The following IGF2BP1 variants were observed in gnomAD, a reference collection of about 807,000 sequenced individuals.
IGF2BP1 encodes the protein insulin-like growth factor 2 mRNA-binding protein 1.
A neutral mutation model predicts 74.9 loss-of-function variants in IGF2BP1; 11 were observed. The observed-to-expected ratio is 0.15, with a 90% CI of 0.09 to 0.24. The LOEUF (loss-of-function observed/expected upper bound fraction) is 0.24. IGF2BP1 is among the 10% of genes least tolerant of loss of function. The pLI is 1.00. For missense variants in IGF2BP1, 440 were observed against 757.4 expected (o/e 0.58, Z 4.92); for synonymous variants, 287 against 281.8 (o/e 1.02, Z -0.18).
At chr17:49,041,537 G>T (rs1419360641) in intron 8 of IGF2BP1, 37 bp downstream of exon 8, 2 of 1,612,720 alleles carry the variant, frequency 1.2e-6, no homozygotes, top group Admixed American at 3.3e-5. Context: ...TATGAGTGGG[G>T]GATGCATGGG....
chr17:49,033,212 A>G (rs1324075402), intron 5 of IGF2BP1, among the ~76,000 whole-genome samples: 1 of 151,494 alleles, frequency 6.6e-6, no homozygotes, highest in Non-Finnish European at 1.5e-5. Flanking sequence ...GCAGTGGTGC[A>G]ATCTTGGCTC....
chr17:49,006,351 G>A (rs2041551425), intron 2 of IGF2BP1, among the ~76,000 whole-genome samples: 1 of 152,180 alleles, frequency 6.6e-6, no homozygotes, highest in African/African-American at 2.4e-5. Context: ...CCTACCCTAG[G>A]TCTCTCACTC....
chr17:48,999,217 G>A (rs1027638453), intron 2 of IGF2BP1, 48 bp downstream of exon 2: 3 of 1,037,050 alleles, frequency 2.9e-6, no homozygotes, highest in African/African-American at 1.6e-5. Context: ...GCGGGGGTGT[G>A]CTGTGAAGCT....
At position 49,054,567 on chromosome 17, in the gene IGF2BP1, C is replaced by T. The variant is rs965752617; in HGVS notation, c.*5123C>T. On this transcript the variant is annotated 3_prime_UTR_variant, in exon 15 of 15. Transcript: ENST00000290341. The stretch of plus-strand genomic sequence containing the variant: ...AGGTCCCCACTTTCTGCTTTCCTTG[C>T]CCATGTGTCACCCCTTTGGCCTCCA... 1 of 152,412 alleles carries T rather than the reference C, an allele frequency of 6.6e-6. No individual in the cohort carries two copies. Among genetic ancestry groups the T allele is most frequent in the Non-Finnish European group, 1.5e-5 (1 of 68,182 alleles). 9.4% of individuals were successfully genotyped at this position (152,412 alleles called of 1,614,324 possible).
In IGF2BP1 at chr17:49,052,342, A is replaced by G. The variant is rs1360675939; in HGVS notation, c.*2898A>G. On this transcript the variant is annotated 3_prime_UTR_variant, in exon 15 of 15. Transcript: ENST00000290341. Reference sequence around the variant, plus strand: ...AAGCATGCTTTGATATCTGGTTCAGACTATCATCAGGAAGAAAAAAAAATC... The same window carrying G: ...AAGCATGCTTTGATATCTGGTTCAGGCTATCATCAGGAAGAAAAAAAAATC... The G allele has an allele frequency of 1.3e-5, 2 of 152,134 alleles. No homozygotes were observed. Among genetic ancestry groups the G allele is most frequent in the African/African-American group, 2.4e-5 (1 of 41,406 alleles). 9.4% of individuals were successfully genotyped at this position (152,134 alleles called of 1,614,324 possible).
chr17:49,010,410 G>A (rs1456964992), intron 2 of IGF2BP1, among the ~76,000 whole-genome samples: 3 of 145,522 alleles, frequency 2.1e-5, no homozygotes, highest in East Asian at 2.1e-4. Flanking sequence ...TCCGCCTCCC[G>A]GGTTCACGTC....
chr17:49,026,150 G>A (rs1168371830), intron 3 of IGF2BP1, among the ~76,000 whole-genome samples: 1 of 152,092 alleles, frequency 6.6e-6, no homozygotes, highest in African/African-American at 2.4e-5. Flanking sequence ...TGTCCCTATG[G>A]TGAGAGACAT....
intron 2 of IGF2BP1, among the ~76,000 whole-genome samples, chr17:49,001,190 T>G (rs2143914654): frequency 6.6e-6 from 1 of 152,322 alleles, no homozygotes; most frequent in South Asian, 2.1e-4. Context: ...GGAAGTATGT[T>G]GTGGTATGTG....
intron 3 of IGF2BP1, 187 bp from the exon 4 acceptor site, chr17:49,026,279 C>G (rs1459273045): frequency 1.9e-6 from 1 of 532,120 alleles, no homozygotes; most frequent in East Asian, 3.1e-5. Context: ...AACTTAAGTA[C>G]ACTCCTGCAA....
At chr17:48,997,040 C>A (rs1271635911), upstream of IGF2BP1, among the ~76,000 whole-genome samples, 3 of 151,704 alleles carry the variant, frequency 2.0e-5, no homozygotes, top group Non-Finnish European at 4.4e-5. The surrounding 1 kb of genome is among the most constrained non-coding windows in gnomAD (Gnocchi z 4.8). Flanking sequence ...CCCCGCCCCC[C>A]AAAACGAATG....
intron 7 of IGF2BP1, among the ~76,000 whole-genome samples, chr17:49,040,666 C>G (rs1007373192): frequency 2.0e-5 from 3 of 152,244 alleles, no homozygotes; most frequent in Non-Finnish European, 2.9e-5. Flanking sequence ...CAGAGAGAAT[C>G]ACACTGAACA....
At chr17:49,034,072 C>T (rs1420843240) in intron 5 of IGF2BP1, among the ~76,000 whole-genome samples, 1 of 2,998 alleles carries the variant, frequency 3.3e-4, no homozygotes, top group Non-Finnish European at 2.8e-3. Context: ...GATCTTCCTA[C>T]CTCAGCCCCC....
chr17:49,037,200 G>C, intron 5 of IGF2BP1: 1 of 484,314 alleles, frequency 2.1e-6, no homozygotes. Context: ...AAAGGCCAGA[G>C]AGAGGTGTTC....
At chr17:48,997,036 C>T (rs1223288629), upstream of IGF2BP1, among the ~76,000 whole-genome samples, 2 of 152,148 alleles carry the variant, frequency 1.3e-5, no homozygotes, top group Admixed American at 1.3e-4. This position sits in a 1 kb window ranked among gnomAD's most constrained non-coding sequence, Gnocchi z 4.8. Flanking sequence ...GCAACCCCGC[C>T]CCCCAAAACG....
chr17:49,001,096 T>G (rs1170103748), intron 2 of IGF2BP1, among the ~76,000 whole-genome samples: 1 of 152,182 alleles, frequency 6.6e-6, no homozygotes, highest in Non-Finnish European at 1.5e-5. Flanking sequence ...TTTTCTAGAA[T>G]GAATCAATTT....
chr17:49,026,727 T>G lies in IGF2BP1; in HGVS notation c.337+210T>G, dbSNP rs879249704. Among the ~76,000 whole-genome samples the G allele has an allele frequency of 1.4e-4, 20 of 145,230 alleles. No homozygotes were observed. In the East Asian group the frequency reaches 1.4e-3, roughly 10 times the overall value. ...TGCCTTCCTGCCTTCCTGCCTGCCT[T>G]CCTGCCTTCCTGCCTGCCTTCCTGC... On this transcript the variant is annotated intron_variant, in intron 4 of 14. Transcript: ENST00000290341.
intron 2 of IGF2BP1, among the ~76,000 whole-genome samples, chr17:49,015,925 G>A (rs1024125539): frequency 3.9e-5 from 6 of 152,180 alleles, no homozygotes; most frequent in African/African-American, 1.4e-4. Flanking sequence ...AGAGCAAGAT[G>A]ACATTTTGCA....
At chr17:49,022,987 T>C (rs12951046) in intron 2 of IGF2BP1, among the ~76,000 whole-genome samples, 23,231 of 152,316 alleles carry the variant, frequency 0.15, 1,858 homozygotes, top group South Asian at 0.21. Flanking sequence ...ATACCTGTTA[T>C]AGGTGTTAAA....
At chr17:49,042,810 A>G (rs1032660556) in intron 9 of IGF2BP1, among the ~76,000 whole-genome samples, 10 of 152,070 alleles carry the variant, frequency 6.6e-5, no homozygotes, top group African/African-American at 2.4e-4. Flanking sequence ...CCAAGTACCT[A>G]GGAGACTACA....
Sources: allele counts gnomAD v4.1 joint callset (sites outside exome capture counted in the v4.1 genomes callset), GRCh38; gene constraint gnomAD v4.1.1; non-coding constraint Gnocchi (gnomAD v3.1); transcripts MANE v1.5; gene names NCBI Gene and HGNC (gene_info 2026-07-23, HGNC 2026-07-21).